AHNAK: variants seen among roughly 807,000 people sequenced by gnomAD.
AHNAK encodes the protein neuroblast differentiation-associated protein AHNAK.
In AHNAK, 23 loss-of-function variants were observed where a neutral mutation model predicts 37.8. The observed-to-expected ratio is 0.61, with a 90% CI of 0.44 to 0.86. The LOEUF is 0.86. AHNAK is among the 40% of genes least tolerant of loss of function. The pLI, the probability that AHNAK is intolerant of heterozygous loss-of-function variation, is 0.00. For missense variants in AHNAK, 7,411 were observed against 7,319.4 expected, an observed-to-expected ratio of 1.01 and a Z score of -0.46; for synonymous variants, 2,481 against 2,636.3, an observed-to-expected ratio of 0.94 and a Z score of 1.80.
intron 5 of AHNAK, among the ~76,000 whole-genome samples, chr11:62,471,712 G>A (rs1939039235): frequency 6.6e-6 from 1 of 152,214 alleles, no homozygotes; most frequent in South Asian, 2.1e-4. Context: ...AGGCCTGCTT[G>A]GGGGCCAGGC....
chr11:62,464,518 A>C (rs1938862893), intron 5 of AHNAK, among the ~76,000 whole-genome samples: 1 of 152,072 alleles, frequency 6.6e-6, no homozygotes, highest in Admixed American at 6.5e-5. Context: ...AAATACAAAA[A>C]TTAGCCGGGC....
chr11:62,523,771 T>G lies in AHNAK; in HGVS notation c.10646A>C (p.Asp3549Ala). The G allele has an allele frequency of 1.2e-6, 2 of 1,614,046 alleles. No individual in the cohort carries two copies. The highest frequency in any genetic ancestry group is 1.7e-6 in the Non-Finnish European group (2 of 1,180,018). ...KAPKISMPDIDLNLKGPKVKG... is the reference protein window; with the variant it reads ...KAPKISMPDIALNLKGPKVKG... ...CACCTTGGGGCCTTTCAAGTTTAAG[T>G]CAATGTCAGGCATGGAGATCTTGGG... The change falls in exon 5 of 5, where the codon GAC becomes GCC. Residue 3549 changes from aspartate (D) to alanine (A), a missense_variant. Asp to Ala is a moderately radical substitution (Grantham distance 126, BLOSUM62 -2). Coordinates refer to ENST00000378024, the MANE Select transcript of AHNAK (RefSeq NM_001620.3).
Position 62,526,468 on chromosome 11 carries a change from C to G in AHNAK, c.7949G>C (p.Gly2650Ala). 6.2e-7 allele frequency: 1 copy of G among 1,612,892 alleles called. No homozygotes were observed. The highest frequency in any genetic ancestry group is 2.2e-5 in the East Asian group (1 of 44,812). The stretch of plus-strand genomic sequence containing the variant: ...CCCATCTGGGCCCTCTCCTTTGAAG[C>G]CAGGCATGCTGAACTTTGGCATTTT... ...KVKMPKFSMPGFKGEGPDGDV... is the reference protein window; with the variant it reads ...KVKMPKFSMPAFKGEGPDGDV... Residue 2650 changes from glycine (G) to alanine (A), a missense_variant, in exon 5 of 5, where the codon GGC becomes GCC. Physicochemically the swap from Gly to Ala is moderately conservative, Grantham distance 60. Coordinates refer to ENST00000378024, the MANE Select transcript of AHNAK (RefSeq NM_001620.3).
At chr11:62,541,000 C>G (rs1287731263) in intron 1 of AHNAK, among the ~76,000 whole-genome samples, 2 of 152,246 alleles carry the variant, frequency 1.3e-5, no homozygotes, top group South Asian at 2.1e-4. Context: ...TCCAGAGGAG[C>G]CTCCTTCCTC....
At chr11:62,482,877 T>C (rs962619953) in intron 5 of AHNAK, among the ~76,000 whole-genome samples, 4 of 152,172 alleles carry the variant, frequency 2.6e-5, no homozygotes, top group South Asian at 2.1e-4. Context: ...TCATTCGTAA[T>C]GTGCAGAATA....
At chr11:62,464,853 G>A (rs1245676697) in intron 5 of AHNAK, among the ~76,000 whole-genome samples, 1 of 152,008 alleles carries the variant, frequency 6.6e-6, no homozygotes, top group African/African-American at 2.4e-5. Flanking sequence ...AGAAGTACAC[G>A]CTTGGGTGAT....
In AHNAK at chr11:62,516,483, A is replaced by AAT. The variant is rs1053147375; in HGVS notation, c.*259_*260dup. The AAT allele has an allele frequency of 1.1e-5, 15 of 1,342,006 alleles. No homozygotes were observed. The highest frequency in any genetic ancestry group is 2.7e-4 in the Middle Eastern group (1 of 3,656). The allele number at this position is 1,342,006 out of a possible 1,614,324, so 83.1% of individuals were successfully genotyped here. On this transcript the variant is annotated 3_prime_UTR_variant, in exon 5 of 5. Coordinates refer to ENST00000378024, the MANE Select transcript of AHNAK (RefSeq NM_001620.3). ...GAGCTCTCAGCAGTCAATGCAAAAA[A>AAT]ATATATATATATGAAATCTTAAGGC...
chr11:62,526,917 A>G lies in AHNAK; in HGVS notation c.7500T>C (p.Asp2500=), dbSNP rs2134222080. The G allele has an allele frequency of 6.2e-7, 1 of 1,614,222 alleles. No individual in the cohort carries two copies. The highest frequency in any genetic ancestry group is 2.2e-5 in the East Asian group (1 of 44,896). ...TCAGGTGCCAGTCTGGAGCTTGGAC[A>G]TCGGGGGCATTTACATCAACTTTGG... ...RGPKVDVNAP[D]VQAPDWHLKM... The change falls in exon 5 of 5, where the codon GAT becomes GAC. Residue 2500 remains aspartate (D), a synonymous_variant. Transcript: ENST00000378024.
intron 5 of AHNAK, among the ~76,000 whole-genome samples, chr11:62,464,666 TC>T (rs1938866564): frequency 9.4e-6 from 1 of 106,784 alleles, no homozygotes. Context: ...AGATTCCGTC[TC>T]AAAAAAAAAA....
In AHNAK at chr11:62,527,686, G is replaced by A. The variant is rs1240100224; in HGVS notation, c.6731C>T (p.Pro2244Leu). 1.2e-6 allele frequency: 2 copies of A among 1,613,900 alleles called. No homozygotes were observed. Among genetic ancestry groups the A allele is most frequent in the East Asian group, 2.2e-5 (1 of 44,874 alleles). The change falls in exon 5 of 5, where the codon CCT (proline) becomes CTT (leucine). Residue 2244 changes from proline (P) to leucine (L), a missense_variant. Coordinates refer to ENST00000378024, the MANE Select transcript of AHNAK (RefSeq NM_001620.3). The part of the protein sequence containing the change: ...VHGPDWHLKM[P>L]KMKMPKFSMP... Reference sequence around the variant, plus strand: ...GCTGAACTTGGGCATTTTCATCTTAGGCATCTTCAGGTGCCAGTCTGGGCC... The same window carrying A: ...GCTGAACTTGGGCATTTTCATCTTAAGCATCTTCAGGTGCCAGTCTGGGCC...
Position 62,524,597 on chromosome 11 carries a change from C to T in AHNAK, c.9820G>A (p.Ala3274Thr), listed in dbSNP as rs1255786083. 4 of 1,613,854 alleles carry T rather than the reference C, an allele frequency of 2.5e-6. No homozygotes were observed. In the African/African-American group the frequency reaches 4.0e-5, roughly 16 times the overall value. The change falls in exon 5 of 5, where the codon GCC becomes ACC. Residue 3274 changes from alanine (A) to threonine (T), a missense_variant. Physicochemically the swap from Ala to Thr is moderately conservative, Grantham distance 58. Coordinates refer to ENST00000378024, the MANE Select transcript of AHNAK (RefSeq NM_001620.3). ...TTCAGTTTTGGACCTTTTAATTTGG[C>T]ATCTGGGCCATGAATGTCAATATCT... ...APDIDIHGPD[A>T]KLKGPKLKMP... is the part of the protein sequence containing the mutation.
At chr11:62,465,570 G>C (rs1938894515) in intron 5 of AHNAK, among the ~76,000 whole-genome samples, 1 of 151,990 alleles carries the variant, frequency 6.6e-6, no homozygotes, top group African/African-American at 2.4e-5. Context: ...CCAAGATCGT[G>C]CCATTGCACT....
chr11:62,533,107 G>A lies in AHNAK; in HGVS notation c.1310C>T (p.Pro437Leu). The change falls in exon 5 of 5, where the codon CCC becomes CTC. Residue 437 changes from proline (P) to leucine (L), a missense_variant. Physicochemically the swap from Pro to Leu is moderately conservative, Grantham distance 98. Transcript: ENST00000378024. ...CTTTGCACCTGATACAGAGAACTTG[G>A]GGACTTTCATCTTGGGCACATTCAG... ...SKLNVPKMKV[P>L]KFSVSGAKGE... The A allele has an allele frequency of 1.3e-6, 2 of 1,583,248 alleles. No homozygotes were observed. The highest frequency in any genetic ancestry group is 1.7e-6 in the Non-Finnish European group (2 of 1,168,086).
chr11:62,454,697 C>T (rs771003590), intron 5 of AHNAK, among the ~76,000 whole-genome samples: 7 of 151,570 alleles, frequency 4.6e-5, no homozygotes, highest in Admixed American at 2.6e-4. Context: ...TCTGCCAGGG[C>T]GATGGGGAGA....
At position 62,518,245 on chromosome 11, in the gene AHNAK, T is replaced by A; in HGVS notation, c.16172A>T (p.Asp5391Val). The A allele has an allele frequency of 1.2e-6, 2 of 1,614,114 alleles. No homozygotes were observed. The highest frequency in any genetic ancestry group is 1.7e-6 in the Non-Finnish European group (2 of 1,180,002). ...KCPKVSVGAP[D>V]LSLEASEGSI... ...GCCTTCGGATGCCTCCAAGCTTAGATCAGGAGCTCCTACGGATACTTTAGG... is the reference window on the plus strand; with the variant it reads ...GCCTTCGGATGCCTCCAAGCTTAGAACAGGAGCTCCTACGGATACTTTAGG... Residue 5391 changes from aspartate (D) to valine (V), a missense_variant, in exon 5 of 5, where the codon GAT becomes GTT. Asp to Val is a radical substitution (Grantham distance 152). Coordinates refer to ENST00000378024, the MANE Select transcript of AHNAK (RefSeq NM_001620.3).
chr11:62,512,109 C>T (rs1470245746), downstream of AHNAK, among the ~76,000 whole-genome samples: 3 of 152,170 alleles, frequency 2.0e-5, no homozygotes, highest in East Asian at 5.8e-4. This position sits in a 1 kb window ranked among gnomAD's most constrained non-coding sequence, Gnocchi z 4.0. Context: ...GGCCTCCCAA[C>T]GTGTTAGGAT....
chr11:62,539,690 T>C (rs1941064963), intron 1 of AHNAK, among the ~76,000 whole-genome samples: 1 of 152,032 alleles, frequency 6.6e-6, no homozygotes, highest in Admixed American at 6.5e-5. Context: ...GGAGAAACCA[T>C]CCTAAGTAGA....
chr11:62,530,196 G>C lies in AHNAK; in HGVS notation c.4221C>G (p.Pro1407=), dbSNP rs1940678485. 1.2e-6 allele frequency: 2 copies of C among 1,612,078 alleles called. No homozygotes were observed. The highest frequency in any genetic ancestry group is 1.7e-6 in the Non-Finnish European group (2 of 1,179,622). The change falls in exon 5 of 5, where the codon CCC becomes CCG. Residue 1407 remains proline (P), a synonymous_variant. Coordinates refer to ENST00000378024, the MANE Select transcript of AHNAK (RefSeq NM_001620.3). ...GEGPEVDVKL[P]KADVDVSGPK... ...GTCCTGAGACATCAACGTCAGCTTT[G>C]GGCAGCTTCACATCCACTTCAGGGC...
At position 62,523,843 on chromosome 11, in the gene AHNAK, C is replaced by A. The variant is rs780074271; in HGVS notation, c.10574G>T (p.Gly3525Val). The A allele has an allele frequency of 3.1e-6, 5 of 1,614,060 alleles. No homozygotes were observed. Among genetic ancestry groups the A allele is most frequent in the Non-Finnish European group, 4.2e-6 (5 of 1,180,010 alleles). The change falls in exon 5 of 5, where the codon GGC becomes GTC. Residue 3525 changes from glycine to valine, a missense_variant. Gly to Val is a moderately radical substitution (Grantham distance 109, BLOSUM62 -3). Coordinates refer to ENST00000378024, the MANE Select transcript of AHNAK (RefSeq NM_001620.3). ...PDLNVEGPEGGLKGPKFKMPD... is the reference protein window; with the variant it reads ...PDLNVEGPEGVLKGPKFKMPD... The stretch of plus-strand genomic sequence containing the variant: ...CATCTTGAATTTGGGACCTTTCAAG[C>A]CTCCCTCCGGACCTTCCACATTGAG...
Sources: gnomAD v4.1 joint callset for allele counts (sites outside exome capture counted in the v4.1 genomes callset) on GRCh38, gnomAD v4.1.1 for gene constraint, Gnocchi (gnomAD v3.1) non-coding constraint, MANE v1.5 for transcripts, NCBI Gene and HGNC (gene_info 2026-07-23, HGNC 2026-07-21) for gene names.